Variants in USP3 observed in about 807,000 individuals in gnomAD.
USP3 encodes ubiquitin specific peptidase 3, also known as ubiquitin carboxyl-terminal hydrolase 3.
A neutral mutation model predicts 72.3 loss-of-function variants in USP3; 20 were observed. The observed-to-expected ratio is 0.28, with a 90% CI of 0.19 to 0.40. The LOEUF (loss-of-function observed/expected upper bound fraction) is 0.40, where lower values mean the gene tolerates loss of function less well. Among genes scored for constraint, USP3 ranks in the 10% least tolerant of loss-of-function variants. The pLI is 1.00. For missense variants in USP3, 479 were observed against 633.9 expected, an observed-to-expected ratio of 0.76 and a Z score of 2.62; for synonymous variants, 222 against 225.3, an observed-to-expected ratio of 0.99 and a Z score of 0.13.
chr15:63,552,677 C>G (rs766833307), intron 3 of USP3, among the ~76,000 whole-genome samples: 1 of 152,134 alleles, frequency 6.6e-6, no homozygotes, highest in African/African-American at 2.4e-5. Flanking sequence ...ATAAAAGACA[C>G]AAGCATGCTT....
intron 3 of USP3, among the ~76,000 whole-genome samples, chr15:63,546,884 A>G (rs2066336966): frequency 6.6e-6 from 1 of 152,248 alleles, no homozygotes; most frequent in South Asian, 2.1e-4. Flanking sequence ...ATGGGATTAC[A>G]GGCGTGAGCC....
chr15:63,569,375 C>G (rs1322081053), intron 8 of USP3, among the ~76,000 whole-genome samples: 8 of 152,232 alleles, frequency 5.3e-5, no homozygotes, highest in African/African-American at 1.9e-4. Context: ...TAACTTCTGA[C>G]TTTAAGTTCC....
chr15:63,544,972 G>A lies in USP3; in HGVS notation c.284+7816G>A, dbSNP rs2066298726. 6.6e-6 allele frequency among the ~76,000 whole-genome samples: 1 copy of A among 152,100 alleles called. No individual in the cohort carries two copies. Among genetic ancestry groups the A allele is most frequent in the Non-Finnish European group, 1.5e-5 (1 of 67,994 alleles). On this transcript the variant is annotated intron_variant, in intron 3 of 14. Transcript: ENST00000380324. The surrounding 1 kb of genome is among the most constrained non-coding windows in gnomAD (Gnocchi z 4.2). ...AAATAACCAAAGTATAGAAAAGAATGTTCTTTGAAATGAAGAGAAAAAAGA... is the reference window on the plus strand; with the variant it reads ...AAATAACCAAAGTATAGAAAAGAATATTCTTTGAAATGAAGAGAAAAAAGA...
At chr15:63,533,736 AAG>A in intron 2 of USP3, 1 of 629,620 alleles carries the variant, frequency 1.6e-6, no homozygotes, top group Non-Finnish European at 2.4e-6. Flanking sequence ...ATGTGCACTT[AAG>A]AGTACCTTTG....
In USP3 at chr15:63,590,763, G is replaced by C. The variant is rs756651933; in HGVS notation, c.1500G>C (p.Lys500Asn). The C allele has an allele frequency of 2.5e-6, 4 of 1,614,020 alleles. No individual in the cohort carries two copies. The highest frequency in any genetic ancestry group is 4.5e-5 in the East Asian group (2 of 44,856). Residue 500 changes from lysine (K) to asparagine (N), a missense_variant, in exon 15 of 15, where the codon AAG becomes AAC. Physicochemically the swap from Lys to Asn is moderately conservative, Grantham distance 94 (BLOSUM62 0). Coordinates refer to ENST00000380324, the MANE Select transcript of USP3 (RefSeq NM_006537.4). ...TGACTGACGAGGAGACTGTGGTGAAGGCGAAGGCCTACATCCTTTTCTACG... is the reference window on the plus strand; with the variant it reads ...TGACTGACGAGGAGACTGTGGTGAACGCGAAGGCCTACATCCTTTTCTACG... ...VTLTDEETVV[K>N]AKAYILFYVE...
chr15:63,552,415 T>C (rs908762416), intron 3 of USP3, among the ~76,000 whole-genome samples: 3 of 152,214 alleles, frequency 2.0e-5, no homozygotes, highest in Admixed American at 6.5e-5. Flanking sequence ...GTAGTTGTTA[T>C]AGGACCAATG....
At chr15:63,524,048 G>A (rs1411074424) in intron 1 of USP3, among the ~76,000 whole-genome samples, 1 of 152,144 alleles carries the variant, frequency 6.6e-6, no homozygotes, top group Non-Finnish European at 1.5e-5. Flanking sequence ...AAATTTGAAG[G>A]TTTTAAACTT....
At chr15:63,590,222 C>T (rs959678662) in intron 14 of USP3, among the ~76,000 whole-genome samples, 12 of 152,068 alleles carry the variant, frequency 7.9e-5, no homozygotes, top group African/African-American at 2.9e-4. Context: ...TAGCTGCAGG[C>T]CTTCCGTCTG....
chr15:63,547,762 G>C (rs983050212), intron 3 of USP3, among the ~76,000 whole-genome samples: 5 of 3,292 alleles, frequency 1.5e-3, no homozygotes, highest in African/African-American at 6.3e-3. Flanking sequence ...GGGAGGGAGG[G>C]AGAGAGAGAG....
At chr15:63,508,172 C>T (rs2065737392) in intron 1 of USP3, among the ~76,000 whole-genome samples, 1 of 152,082 alleles carries the variant, frequency 6.6e-6, no homozygotes, top group African/African-American at 2.4e-5. Context: ...CTTCTGGATC[C>T]CCTGAATGGG....
intron 9 of USP3, among the ~76,000 whole-genome samples, chr15:63,573,467 A>C (rs1445224137): frequency 6.6e-6 from 1 of 152,238 alleles, no homozygotes; most frequent in African/African-American, 2.4e-5. Flanking sequence ...CTTTTTAAAA[A>C]GTGTTCTCCG....
intron 3 of USP3, among the ~76,000 whole-genome samples, chr15:63,552,489 G>A (rs1311966121): frequency 6.6e-6 from 1 of 152,168 alleles, no homozygotes; most frequent in South Asian, 2.1e-4. Flanking sequence ...ATAAAAGACT[G>A]CTTTTGCTCT....
intron 11 of USP3, among the ~76,000 whole-genome samples, chr15:63,585,716 T>G (rs2067044408): frequency 6.6e-6 from 1 of 152,194 alleles, no homozygotes; most frequent in Non-Finnish European, 1.5e-5. Context: ...CATCTGGATT[T>G]TTTCCTATGT....
Position 63,580,639 on chromosome 15 carries a change from T to TGC in USP3, c.1096+6237_1096+6238dup, listed in dbSNP as rs1470880682. ...GAATCTTAAGAGTTTCAGAAAGTGG[T>TGC]GCATATATATATGAATATATAATAT... On this transcript the variant is annotated intron_variant, in intron 11 of 14. Transcript: ENST00000380324. 1.5e-4 allele frequency among the ~76,000 whole-genome samples: 9 copies of TGC among 59,608 alleles called. 1 individual carries two copies. The highest frequency in any genetic ancestry group is 2.5e-4 in the Non-Finnish European group (6 of 24,196). 39.1% of individuals were successfully genotyped at this position (59,608 alleles called of 152,430 possible). A position where few individuals can be genotyped will look rare whatever the true frequency, so the allele number is the denominator to read the frequency against.
Position 63,588,225 on chromosome 15 carries a change from A to T in USP3, c.1097-80A>T. The T allele has an allele frequency of 2.7e-6, 3 of 1,112,264 alleles. No individual in the cohort carries two copies. The highest frequency in any genetic ancestry group is 3.8e-6 in the Non-Finnish European group (3 of 780,474). 68.9% of individuals were successfully genotyped at this position (1,112,264 alleles called of 1,614,324 possible). Reference sequence around the variant, plus strand: ...GTATAGCTAATAAAGCTGAGATTTTAAACCTGGGTCTTTTTTCTACAGTAC... The same window carrying T: ...GTATAGCTAATAAAGCTGAGATTTTTAACCTGGGTCTTTTTTCTACAGTAC... On this transcript the variant is annotated intron_variant, in intron 11 of 14. Transcript: ENST00000380324. This position sits in a 1 kb window ranked among gnomAD's most constrained non-coding sequence, Gnocchi z 4.6.
intron 3 of USP3, among the ~76,000 whole-genome samples, chr15:63,537,528 G>A (rs558262517): frequency 6.6e-6 from 1 of 151,874 alleles, no homozygotes; most frequent in South Asian, 2.1e-4. Flanking sequence ...CCTGTCCCTG[G>A]TCCAGTTAAC....
intron 8 of USP3, among the ~76,000 whole-genome samples, chr15:63,566,717 T>C (rs1262476370): frequency 1.3e-5 from 2 of 152,222 alleles, no homozygotes; most frequent in African/African-American, 4.8e-5. Context: ...TTTAAACCAT[T>C]TTCACTGTAG....
chr15:63,535,111 A>G (rs1252428965), intron 2 of USP3, among the ~76,000 whole-genome samples: 5 of 152,038 alleles, frequency 3.3e-5, no homozygotes, highest in African/African-American at 7.2e-5. Flanking sequence ...TTGTATTTTT[A>G]GTAGAGATGG....
At chr15:63,526,686 A>G (rs930384637) in intron 1 of USP3, among the ~76,000 whole-genome samples, 3 of 152,222 alleles carry the variant, frequency 2.0e-5, no homozygotes, top group Admixed American at 6.5e-5. Context: ...AGTTGCTGTT[A>G]CTGATGGGCA....
Sources: allele counts gnomAD v4.1 joint callset (sites outside exome capture counted in the v4.1 genomes callset), GRCh38; gene constraint gnomAD v4.1.1; non-coding constraint Gnocchi (gnomAD v3.1); transcripts MANE v1.5; gene names NCBI Gene and HGNC (gene_info 2026-07-23, HGNC 2026-07-21).